EDIL3: variants seen among roughly 807,000 people sequenced by gnomAD.
The protein encoded by EDIL3 is EGF like and discoidin domains 3.
In EDIL3, 37 loss-of-function variants were observed where a neutral mutation model predicts 67.4. The observed-to-expected ratio is 0.55, with a 90% CI of 0.42 to 0.72. EDIL3 has a LOEUF of 0.72. Among genes scored for constraint, EDIL3 ranks in the 30% least tolerant of loss-of-function variants. The pLI is 0.00. For missense variants in EDIL3, 527 were observed against 586.3 expected, an observed-to-expected ratio of 0.90 and a Z score of 1.04; for synonymous variants, 195 against 196.3, an observed-to-expected ratio of 0.99 and a Z score of 0.05.
At chr5:84,075,728 G>A (rs1746840988) in intron 6 of EDIL3, among the ~76,000 whole-genome samples, 1 of 151,964 alleles carries the variant, frequency 6.6e-6, no homozygotes, top group Non-Finnish European at 1.5e-5. Flanking sequence ...GCCCGTCTCG[G>A]CCTCCCAGAG....
chr5:84,307,391 T>C lies in EDIL3; in HGVS notation c.68-53179A>G, dbSNP rs191153629. ...AGAAAATAAAGATGCTCCACAAAAA[T>C]AGAAGAAAATAAAGAGGCCCAACAG... On this transcript the variant is annotated intron_variant, in intron 1 of 10. Transcript: ENST00000296591. Among the ~76,000 whole-genome samples the C allele has an allele frequency of 4.3e-3, 653 of 151,926 alleles. 3 individuals are homozygous for C. Among genetic ancestry groups the C allele is most frequent in the African/African-American group, 0.014 (596 of 41,458 alleles).
chr5:84,247,745 T>C (rs1392341735), intron 2 of EDIL3, among the ~76,000 whole-genome samples: 1 of 151,994 alleles, frequency 6.6e-6, no homozygotes, highest in Non-Finnish European at 1.5e-5. Context: ...TAACTTTTCC[T>C]GAATATATAT....
intron 1 of EDIL3, among the ~76,000 whole-genome samples, chr5:84,336,693 T>C (rs1000955987): frequency 1.3e-5 from 2 of 152,158 alleles, no homozygotes; most frequent in South Asian, 4.1e-4. Context: ...GTGGTGTCTT[T>C]AACTAAGACA....
intron 9 of EDIL3, among the ~76,000 whole-genome samples, chr5:84,005,467 C>T (rs572298612): frequency 1.1e-4 from 17 of 152,054 alleles, no homozygotes; most frequent in Non-Finnish European, 2.4e-4. Context: ...CATTTAAAAG[C>T]GAATCCTTCA....
At chr5:84,057,158 T>C (rs1489754250) in intron 9 of EDIL3, among the ~76,000 whole-genome samples, 1 of 152,150 alleles carries the variant, frequency 6.6e-6, no homozygotes, top group Non-Finnish European at 1.5e-5. Context: ...GAACTACTCC[T>C]TGAATTAACA....
chr5:84,249,536 C>T (rs947998202), intron 2 of EDIL3, among the ~76,000 whole-genome samples: 1 of 151,952 alleles, frequency 6.6e-6, no homozygotes, highest in South Asian at 2.1e-4. Flanking sequence ...TTTATCATTG[C>T]CCCTCCACCA....
chr5:84,150,509 TAA>T (rs1229961175), intron 4 of EDIL3, among the ~76,000 whole-genome samples: 3 of 152,082 alleles, frequency 2.0e-5, no homozygotes, highest in South Asian at 2.1e-4. Context: ...AGAATATACA[TAA>T]GAGTGGTAAA....
chr5:84,077,971 T>C (rs1431053942), intron 6 of EDIL3, among the ~76,000 whole-genome samples: 1 of 133,162 alleles, frequency 7.5e-6, no homozygotes, highest in East Asian at 2.3e-4. Context: ...ATTAAAGAAA[T>C]GCAATTTTGT....
intron 4 of EDIL3, among the ~76,000 whole-genome samples, chr5:84,156,762 G>A (rs1003724882): frequency 8.5e-5 from 13 of 152,224 alleles, no homozygotes; most frequent in East Asian, 7.7e-4. Context: ...TTCTGACTGC[G>A]CAGTCAAATT....
At chr5:84,205,620 T>A (rs1023828355) in intron 3 of EDIL3, among the ~76,000 whole-genome samples, 2 of 152,066 alleles carry the variant, frequency 1.3e-5, no homozygotes, top group African/African-American at 4.8e-5. Flanking sequence ...GAGATTCAAC[T>A]TCTTCCTGGT....
intron 9 of EDIL3, among the ~76,000 whole-genome samples, chr5:84,050,274 G>T (rs113092469): frequency 2.0e-5 from 3 of 150,424 alleles, no homozygotes; most frequent in Non-Finnish European, 4.4e-5. Flanking sequence ...TCTTATAGAA[G>T]TGAGTAGATG....
chr5:84,110,856 AG>A (rs756065568), intron 5 of EDIL3, among the ~76,000 whole-genome samples: 22 of 152,206 alleles, frequency 1.4e-4, no homozygotes, highest in Non-Finnish European at 2.8e-4. Context: ...AGTAACACTG[AG>A]GATGTAATGG....
intron 6 of EDIL3, among the ~76,000 whole-genome samples, chr5:84,075,483 C>CTTCTTCTTA (rs751286945): frequency 3.3e-5 from 5 of 150,974 alleles, no homozygotes; most frequent in African/African-American, 1.2e-4. Context: ...TCTTCTTCTT[C>CTTCTTCTTA]TTATTATTTT....
intron 3 of EDIL3, among the ~76,000 whole-genome samples, chr5:84,201,244 A>G (rs989585051): frequency 6.6e-6 from 1 of 151,998 alleles, no homozygotes; most frequent in Non-Finnish European, 1.5e-5. Context: ...TTTCTTGTAA[A>G]CAAGCTGACA....
At chr5:83,953,803 A>G (rs1186830305) in intron 10 of EDIL3, among the ~76,000 whole-genome samples, 1 of 151,764 alleles carries the variant, frequency 6.6e-6, no homozygotes, top group Non-Finnish European at 1.5e-5. Context: ...ATGATGAGAA[A>G]TGTGTTGCCT....
intron 2 of EDIL3, among the ~76,000 whole-genome samples, chr5:84,233,298 T>C (rs1261743750): frequency 6.6e-6 from 1 of 152,224 alleles, no homozygotes; most frequent in East Asian, 1.9e-4. Flanking sequence ...ATTTGAATAT[T>C]GGGTTTTAGC....
At chr5:83,958,236 T>TG (rs1357248984) in intron 10 of EDIL3, among the ~76,000 whole-genome samples, 2 of 151,564 alleles carry the variant, frequency 1.3e-5, no homozygotes, top group Non-Finnish European at 3.0e-5. Flanking sequence ...TATTATTAGC[T>TG]GGGGCCTCTG....
At chr5:84,350,215 C>T (rs1396867133) in intron 1 of EDIL3, among the ~76,000 whole-genome samples, 1 of 152,062 alleles carries the variant, frequency 6.6e-6, no homozygotes, top group Non-Finnish European at 1.5e-5. Flanking sequence ...AACCATTCCA[C>T]CAGAATATCT....
intron 1 of EDIL3, among the ~76,000 whole-genome samples, chr5:84,366,002 T>A (rs951383157): frequency 1.3e-5 from 2 of 152,114 alleles, no homozygotes; most frequent in Admixed American, 6.6e-5. Flanking sequence ...TCATCCAGGA[T>A]CCAATTCCTA....
Sources: gnomAD v4.1 joint callset for allele counts (sites outside exome capture counted in the v4.1 genomes callset) on GRCh38, gnomAD v4.1.1 for gene constraint, MANE v1.5 for transcripts, NCBI Gene and HGNC (gene_info 2026-07-23, HGNC 2026-07-21) for gene names.